Variants in ADGRL3 observed in about 807,000 individuals in gnomAD.
ADGRL3 encodes the protein calcium-independent alpha-latrotoxin receptor 3.
ADGRL3 carries 62 observed loss-of-function variants against 153.5 expected under a neutral mutation model. The ratio of observed to expected loss-of-function variants is 0.40; its 90% CI spans 0.33 to 0.50. ADGRL3 has a LOEUF of 0.50. Ranked by LOEUF, ADGRL3 falls within the 20% of genes least tolerant of loss-of-function variation. The pLI, the probability that ADGRL3 is intolerant of heterozygous loss-of-function variation, is 0.47. For missense variants in ADGRL3, 1,641 were observed against 1,859.4 expected, an observed-to-expected ratio of 0.88 and a Z score of 2.16; for synonymous variants, 710 against 672.5, an observed-to-expected ratio of 1.06 and a Z score of -0.86.
intron 9 of ADGRL3, among the ~76,000 whole-genome samples, chr4:61,881,523 C>T (rs893403751): frequency 6.6e-5 from 10 of 152,232 alleles, no homozygotes; most frequent in African/African-American, 1.2e-4. Flanking sequence ...GGATTACAGG[C>T]GCATGCCACC....
At chr4:61,836,397 C>A (rs2148933493) in intron 9 of ADGRL3, among the ~76,000 whole-genome samples, 1 of 152,160 alleles carries the variant, frequency 6.6e-6, no homozygotes, top group African/African-American at 2.4e-5. Flanking sequence ...CAAGTGGAAA[C>A]AATTTAAGTG....
intron 8 of ADGRL3, among the ~76,000 whole-genome samples, chr4:61,749,322 A>C (rs1213494699): frequency 6.6e-6 from 1 of 152,030 alleles, no homozygotes. Context: ...GGGATCTAGA[A>C]CTAGAAATAC....
intron 1 of ADGRL3, among the ~76,000 whole-genome samples, chr4:61,379,013 G>A (rs1250451920): frequency 6.6e-6 from 1 of 151,940 alleles, no homozygotes; most frequent in East Asian, 1.9e-4. Flanking sequence ...AAAATAGGGT[G>A]AAAATTTATT....
In ADGRL3 at chr4:62,014,427, A is replaced by G. The variant is rs554520356; in HGVS notation, c.3396-14428A>G. On this transcript the variant is annotated intron_variant, in intron 21 of 26. Transcript: ENST00000683033. ...TGTGGGGAGAAAGGGAAATGGTAGAAAATTAGTTGGTCTAGGAAGTATACA... is the reference window on the plus strand; with the variant it reads ...TGTGGGGAGAAAGGGAAATGGTAGAGAATTAGTTGGTCTAGGAAGTATACA... Among the ~76,000 whole-genome samples the G allele has an allele frequency of 2.6e-5, 4 of 152,310 alleles. No individual in the cohort carries two copies. In the East Asian group the frequency reaches 7.7e-4, roughly 29 times the overall value.
chr4:61,679,356 G>A (rs994793121), intron 6 of ADGRL3, among the ~76,000 whole-genome samples: 5 of 151,976 alleles, frequency 3.3e-5, no homozygotes, highest in African/African-American at 1.2e-4. Flanking sequence ...CATGAGATTT[G>A]GAGGGGACAC....
chr4:61,993,041 T>G (rs747855887), intron 19 of ADGRL3, among the ~76,000 whole-genome samples: 1 of 152,060 alleles, frequency 6.6e-6, no homozygotes, highest in African/African-American at 2.4e-5. Flanking sequence ...AGTTCTCAGA[T>G]TAGCTTTCAA....
chr4:62,038,050 G>A (rs1726066916), intron 24 of ADGRL3, among the ~76,000 whole-genome samples, 194 bp downstream of exon 24: 1 of 152,040 alleles, frequency 6.6e-6, no homozygotes, highest in South Asian at 2.1e-4. Flanking sequence ...ATTTGAGTCT[G>A]CAAATTTGAA....
chr4:61,775,715 G>T (rs2097139979), intron 8 of ADGRL3: 1 of 1,227,290 alleles, frequency 8.1e-7, no homozygotes, highest in Non-Finnish European at 1.2e-6. Flanking sequence ...AGGTGGGCTT[G>T]GTGCTTGTCT....
chr4:62,028,852 T>C lies in ADGRL3; in HGVS notation c.3396-3T>C. The C allele has an allele frequency of 1.2e-6, 2 of 1,604,278 alleles. No homozygotes were observed. Among genetic ancestry groups the C allele is most frequent in the Non-Finnish European group, 1.7e-6 (2 of 1,174,556 alleles). ...CTTGTCTTTATGTCTATGCATTCTTTAGCTATGAGGATAACAGACCCTTCA... is the reference window on the plus strand; with the variant it reads ...CTTGTCTTTATGTCTATGCATTCTTCAGCTATGAGGATAACAGACCCTTCA... On this transcript the variant is annotated splice_region_variant and splice_polypyrimidine_tract_variant and intron_variant, in intron 21 of 26. Transcript: ENST00000683033.
At chr4:61,755,158 G>A (rs1267095496) in intron 8 of ADGRL3, among the ~76,000 whole-genome samples, 1 of 152,086 alleles carries the variant, frequency 6.6e-6, no homozygotes, top group Admixed American at 6.5e-5. Context: ...TGGGTCAAAT[G>A]GTATTTCTAG....
intron 8 of ADGRL3, among the ~76,000 whole-genome samples, chr4:61,768,916 G>A (rs1158013214): frequency 6.6e-6 from 1 of 151,586 alleles, no homozygotes; most frequent in Non-Finnish European, 1.5e-5. Context: ...GGGGTGCAGA[G>A]ATAAGAGGTT....
chr4:61,513,195 A>G (rs2098472728), intron 3 of ADGRL3, among the ~76,000 whole-genome samples: 2 of 152,278 alleles, frequency 1.3e-5, no homozygotes, highest in African/African-American at 4.8e-5. Flanking sequence ...TGAATTACAA[A>G]GCTGCTCATG....
intron 5 of ADGRL3, among the ~76,000 whole-genome samples, chr4:61,665,330 G>T (rs2094752064): frequency 6.6e-6 from 1 of 152,178 alleles, no homozygotes; most frequent in Admixed American, 6.5e-5. Context: ...GGAATTGGGT[G>T]AACCTGGGAG....
intron 9 of ADGRL3, among the ~76,000 whole-genome samples, chr4:61,815,619 T>C (rs2097679340): frequency 6.6e-6 from 1 of 152,242 alleles, no homozygotes; most frequent in Non-Finnish European, 1.5e-5. Flanking sequence ...TGCTACTTGG[T>C]TTGAATGTTT....
Position 61,741,757 on chromosome 4 carries a change from C to A in ADGRL3, c.1399+8203C>A, listed in dbSNP as rs549668358. ...AGCTGAACTTAACTATACAGCTGAA[C>A]CTAGTGTTTGTTATTCATCTGACTA... On this transcript the variant is annotated intron_variant, in intron 8 of 26. Transcript: ENST00000683033. 3.7e-4 allele frequency among the ~76,000 whole-genome samples: 56 copies of A among 152,272 alleles called. No individual in the cohort carries two copies. The Middle Eastern group carries it at 0.014, about 37-fold the overall frequency.
chr4:61,506,437 A>G (rs963142569), intron 3 of ADGRL3, among the ~76,000 whole-genome samples: 1 of 152,134 alleles, frequency 6.6e-6, no homozygotes, highest in African/African-American at 2.4e-5. Flanking sequence ...TTATGAGTCT[A>G]CACGTTTGTA....
Position 61,946,929 on chromosome 4 carries a change from C to T in ADGRL3, c.2435C>T (p.Ala812Val), listed in dbSNP as rs371598174. ...QNGRNGEIRV[A>V]FVLYNNLGPY... Reference sequence around the variant, plus strand: ...TTTACTTTAGGAGAGATCAGAGTGGCCTTTGTCCTGTATAACAACTTGGGT... The same window carrying T: ...TTTACTTTAGGAGAGATCAGAGTGGTCTTTGTCCTGTATAACAACTTGGGT... The change falls in exon 16 of 27, where the codon GCC (alanine) becomes GTC (valine). Residue 812 changes from alanine to valine, a missense_variant. Ala to Val is a moderately conservative substitution (Grantham distance 64). Coordinates refer to ENST00000683033, the MANE Select transcript of ADGRL3 (RefSeq NM_001387552.1). 11 of 1,613,516 alleles carry T rather than the reference C, an allele frequency of 6.8e-6. No homozygotes were observed. Among genetic ancestry groups the T allele is most frequent in the Non-Finnish European group, 9.3e-6 (11 of 1,179,670 alleles).
intron 1 of ADGRL3, among the ~76,000 whole-genome samples, chr4:61,260,170 T>C (rs2092391576): frequency 6.6e-6 from 1 of 152,226 alleles, no homozygotes; most frequent in African/African-American, 2.4e-5. Context: ...CCTGTAAATA[T>C]ATGAAACATT....
intron 6 of ADGRL3, among the ~76,000 whole-genome samples, chr4:61,701,644 C>T (rs756072104): frequency 2.8e-4 from 43 of 151,712 alleles, no homozygotes; most frequent in Middle Eastern, 3.4e-3. Context: ...ACTATGTTGG[C>T]CAGGCTGGTC....
Sources: gnomAD v4.1 joint callset for allele counts (sites outside exome capture counted in the v4.1 genomes callset) on GRCh38, gnomAD v4.1.1 for gene constraint, MANE v1.5 for transcripts, NCBI Gene and HGNC (gene_info 2026-07-23, HGNC 2026-07-21) for gene names.